P4HA3: variants seen among roughly 807,000 people sequenced by gnomAD.
P4HA3 encodes the protein prolyl 4-hydroxylase subunit alpha 3, also known as prolyl 4-hydroxylase subunit alpha-3.
In P4HA3, 60 loss-of-function variants were observed where a neutral mutation model predicts 66.7. That is an observed-to-expected ratio of 0.90 (90% CI 0.73 to 1.12). The LOEUF (loss-of-function observed/expected upper bound fraction) is 1.12, where lower values mean the gene tolerates loss of function less well. Ranked by LOEUF, P4HA3 falls within the 50% of genes most tolerant of loss-of-function variation. The pLI, the probability that P4HA3 is intolerant of heterozygous loss-of-function variation, is 0.00. For synonymous variants in P4HA3, 263 were observed against 274.6 expected, an observed-to-expected ratio of 0.96 and a Z score of 0.42; for missense variants, 683 against 685.8, an observed-to-expected ratio of 1.00 and a Z score of 0.05.
At chr11:74,277,272 AAG>A (rs1860433280) in intron 8 of P4HA3, 128 bp from the exon 9 acceptor site, 14 of 1,191,112 alleles carry the variant, frequency 1.2e-5, no homozygotes, top group Non-Finnish European at 1.7e-5. Flanking sequence ...GGAAGGAGGA[AAG>A]AGAGGGAGGG....
chr11:74,296,788 T>C (rs12417458), intron 4 of P4HA3, among the ~76,000 whole-genome samples: 6,048 of 152,296 alleles, frequency 0.04, 124 homozygotes, highest in Middle Eastern at 0.11. Flanking sequence ...AGTCTTTCCA[T>C]GTCGAATCTC....
chr11:74,278,132 AAGG>A (rs768541486), intron 8 of P4HA3, among the ~76,000 whole-genome samples: 9 of 152,342 alleles, frequency 5.9e-5, no homozygotes, highest in Non-Finnish European at 1.3e-4. Context: ...AGCACAGAGG[AAGG>A]AGAAGTTCAT....
intron 7 of P4HA3, 140 bp from the exon 8 acceptor site, chr11:74,279,592 TG>T: frequency 5.3e-6 from 4 of 759,876 alleles, no homozygotes; most frequent in Non-Finnish European, 9.2e-6. Flanking sequence ...ATTTTGCATG[TG>T]GGACTAATTT....
intron 4 of P4HA3, among the ~76,000 whole-genome samples, chr11:74,290,800 C>G (rs1305248492): frequency 1.3e-5 from 2 of 152,166 alleles, no homozygotes; most frequent in Non-Finnish European, 2.9e-5. Flanking sequence ...TTCCATTGGT[C>G]TATATCTCTG....
At chr11:74,278,055 A>G (rs1860461412) in intron 8 of P4HA3, among the ~76,000 whole-genome samples, 1 of 152,244 alleles carries the variant, frequency 6.6e-6, no homozygotes, top group Non-Finnish European at 1.5e-5. Context: ...AAGGACAAAC[A>G]CAAATATAAC....
rs1860278975 is a variant in P4HA3 at position 74,273,535 on chromosome 11, C to A, written c.1398+10G>T. ...CAGTCATGAAGTAAGAAGCCCAGAG[C>A]AATACTCACATAGATCATAAATGTT... On this transcript the variant is annotated intron_variant, in intron 10 of 12. Coordinates refer to ENST00000331597, the MANE Select transcript of P4HA3 (RefSeq NM_182904.5). The A allele has an allele frequency of 6.6e-7, 1 of 1,523,846 alleles. No individual in the cohort carries two copies. The highest frequency in any genetic ancestry group is 8.8e-7 in the Non-Finnish European group (1 of 1,136,908). 94.4% of individuals were successfully genotyped at this position (1,523,846 alleles called of 1,614,324 possible). A position where few individuals can be genotyped will look rare whatever the true frequency, so the allele number is the denominator to read the frequency against.
At chr11:74,259,361 C>A (rs766407976) in intron 15 of P4HA3, among the ~76,000 whole-genome samples, 1 of 152,010 alleles carries the variant, frequency 6.6e-6, no homozygotes, top group African/African-American at 2.4e-5. Flanking sequence ...CCAGCCTGGG[C>A]GACAAGAGCA....
At chr11:74,285,436 G>T (rs1591110614) in intron 7 of P4HA3, 1 of 157,996 alleles carries the variant, frequency 6.3e-6, no homozygotes, top group African/African-American at 2.4e-5. Flanking sequence ...CACTTTTGAA[G>T]TGTTCTTTTT....
At chr11:74,303,514 CAAGCAATCTT>C (rs780406056) in intron 2 of P4HA3, among the ~76,000 whole-genome samples, 3 of 151,854 alleles carry the variant, frequency 2.0e-5, no homozygotes, top group Non-Finnish European at 4.4e-5. Flanking sequence ...CTCCTGAGCT[CAAGCAATCTT>C]AGCCTCCCAA....
rs1284135090 is a variant in P4HA3, at chr11:74,279,378, C to T, written c.1175+10G>A. 6.2e-7 allele frequency: 1 copy of T among 1,613,346 alleles called. No individual in the cohort carries two copies. Reference sequence around the variant, plus strand: ...GGCAGCAGGTATGACCAAGGAAGGGCCCTTCTTACCTTTTGCTGATGCGGT... The same window carrying T: ...GGCAGCAGGTATGACCAAGGAAGGGTCCTTCTTACCTTTTGCTGATGCGGT... On this transcript the variant is annotated intron_variant, in intron 8 of 12. Transcript: ENST00000331597.
At chr11:74,274,968 C>T (rs936915522) in intron 9 of P4HA3, among the ~76,000 whole-genome samples, 4 of 152,066 alleles carry the variant, frequency 2.6e-5, no homozygotes, top group Non-Finnish European at 5.9e-5. Context: ...CTTAGCCATT[C>T]ATTTATCCTT....
chr11:74,257,085 C>A (rs962273562), intron 15 of P4HA3, among the ~76,000 whole-genome samples: 2 of 152,116 alleles, frequency 1.3e-5, no homozygotes, highest in Non-Finnish European at 2.9e-5. Flanking sequence ...AGTAACTAAA[C>A]CTATTTGGAA....
In P4HA3 at chr11:74,311,549, TG is replaced by T. The variant is rs780807935; in HGVS notation, c.62del (p.Pro21GlnfsTer14). ...LAVLALGTGD[P>X]ERAAARGDTF... Reference sequence around the variant, plus strand: ...TGTCGCCCCGAGCCGCAGCCCTTTCTGGGTCTCCTGTCCCGAGCGCCAGCAC... The same window carrying T: ...TGTCGCCCCGAGCCGCAGCCCTTTCTGGTCTCCTGTCCCGAGCGCCAGCAC... On this transcript the variant is annotated frameshift_variant, in exon 1 of 13. Coordinates refer to ENST00000331597, the MANE Select transcript of P4HA3 (RefSeq NM_182904.5). LOFTEE classifies it high-confidence loss of function. 4 of 1,551,462 alleles carry T rather than the reference TG, an allele frequency of 2.6e-6. No individual in the cohort carries two copies. The South Asian group carries it at 3.5e-5, about 14-fold the overall frequency.
intron 12 of P4HA3, among the ~76,000 whole-genome samples, chr11:74,267,895 C>T (rs1172350297): frequency 6.6e-6 from 1 of 152,204 alleles, no homozygotes; most frequent in Non-Finnish European, 1.5e-5. Context: ...TGGCAGTGCT[C>T]AGGAATCAAG....
intron 3 of P4HA3, among the ~76,000 whole-genome samples, chr11:74,299,879 C>A (rs1208810440): frequency 6.6e-6 from 1 of 152,092 alleles, no homozygotes; most frequent in Non-Finnish European, 1.5e-5. Flanking sequence ...AGCCCAGGAA[C>A]TGGAACTAAG....
At chr11:74,251,588 C>T in intron 15 of P4HA3, 1 of 1,591,002 alleles carries the variant, frequency 6.3e-7, no homozygotes, top group Non-Finnish European at 8.6e-7. Flanking sequence ...TAGCTCACAG[C>T]CCAAGGCTAA....
chr11:74,279,399 G>A lies in P4HA3; in HGVS notation c.1164C>T (p.Arg388=), dbSNP rs2089052454. ...SGEKQLQVEY[R]ISKSAWLKDT... ...AGGGCCCTTCTTACCTTTTGCTGAT[G>A]CGGTACTCCACTTGTAACTGCTTCT... The change falls in exon 8 of 13, where the codon CGC becomes CGT. Residue 388 remains arginine, a synonymous_variant. Transcript: ENST00000331597. The A allele has an allele frequency of 1.2e-6, 2 of 1,613,734 alleles. No individual in the cohort carries two copies. The highest frequency in any genetic ancestry group is 3.3e-5 in the Admixed American group (2 of 59,982).
At position 74,311,281 on chromosome 11, in the gene P4HA3, C is replaced by A. The variant is rs1192473826; in HGVS notation, c.200+131G>T. 12 of 1,095,400 alleles carry A rather than the reference C, an allele frequency of 1.1e-5. No individual in the cohort carries two copies. In the African/African-American group the frequency reaches 2.0e-4, roughly 18 times the overall value. The allele number at this position is 1,095,400 out of a possible 1,614,324, so 67.9% of individuals were successfully genotyped here. ...GCCACAATGTCTCAGTCGCACGGTG[C>A]GACAGTGGGTCTGGGGTCCCACGCA... is the stretch of plus-strand genomic sequence containing the variant. On this transcript the variant is annotated intron_variant, in intron 1 of 12. Coordinates refer to ENST00000331597, the MANE Select transcript of P4HA3 (RefSeq NM_182904.5).
At chr11:74,310,032 T>C (rs115268030) in intron 1 of P4HA3, among the ~76,000 whole-genome samples, 71 of 152,312 alleles carry the variant, frequency 4.7e-4, no homozygotes, top group African/African-American at 1.7e-3. Flanking sequence ...ATCAGTATTA[T>C]TACCACACAC....
Sources: gnomAD v4.1 joint callset for allele counts (sites outside exome capture counted in the v4.1 genomes callset) on GRCh38, gnomAD v4.1.1 for gene constraint, MANE v1.5 for transcripts, NCBI Gene and HGNC (gene_info 2026-07-23, HGNC 2026-07-21) for gene names.